TMEM167A: variants seen among roughly 807,000 people sequenced by gnomAD.
The protein encoded by TMEM167A is protein kish-A.
Under a neutral mutation model 11.6 loss-of-function variants are expected in TMEM167A, and 8 were observed. That is an observed-to-expected ratio of 0.69 (90% confidence interval 0.40 to 1.24). The LOEUF (loss-of-function observed/expected upper bound fraction) is 1.24, where lower values mean the gene tolerates loss of function less well. Ranked by LOEUF, TMEM167A falls within the 50% of genes most tolerant of loss-of-function variation. The pLI is 0.01. For missense variants in TMEM167A, 62 were observed against 87.0 expected, an observed-to-expected ratio of 0.71 and a Z score of 1.14; for synonymous variants, 22 against 28.0, an observed-to-expected ratio of 0.79 and a Z score of 0.67.
At chr5:83,058,134 C>A (rs968594596) in intron 3 of TMEM167A, among the ~76,000 whole-genome samples, 1 of 152,010 alleles carries the variant, frequency 6.6e-6, no homozygotes, top group Non-Finnish European at 1.5e-5. Flanking sequence ...AATGAAACTC[C>A]TTATCCCACT....
At chr5:83,063,991 G>C (rs1379075313) in intron 2 of TMEM167A, among the ~76,000 whole-genome samples, 1 of 152,038 alleles carries the variant, frequency 6.6e-6, no homozygotes, top group East Asian at 1.9e-4. Context: ...TATAATAAAA[G>C]ATTACGAGTC....
In TMEM167A at chr5:83,077,311, C is replaced by T. The variant is rs370153622; in HGVS notation, c.3+10G>A. On this transcript the variant is annotated intron_variant, in intron 1 of 3. Coordinates refer to ENST00000502346, the MANE Select transcript of TMEM167A (RefSeq NM_174909.5). ...AAGATCAACCGCGACCTGGGAGCCC[C>T]ACTTCTTACCATAGCGAGGCCGGCG... is the stretch of plus-strand genomic sequence containing the variant. 6.8e-6 allele frequency: 11 copies of T among 1,614,088 alleles called. No individual in the cohort carries two copies. Among genetic ancestry groups the T allele is most frequent in the Non-Finnish European group, 8.5e-6 (10 of 1,180,030 alleles).
At chr5:83,073,336 C>T (rs565061964) in intron 1 of TMEM167A, among the ~76,000 whole-genome samples, 198 of 152,136 alleles carry the variant, frequency 1.3e-3, no homozygotes, top group African/African-American at 4.6e-3. Context: ...CAACTTTAAG[C>T]CAAAAGATAT....
chr5:83,070,596 A>C (rs952582981), intron 1 of TMEM167A, among the ~76,000 whole-genome samples: 3 of 152,212 alleles, frequency 2.0e-5, no homozygotes, highest in Non-Finnish European at 4.4e-5. Context: ...CAGGAGATGC[A>C]ATAATTAATC....
chr5:83,074,895 C>T (rs1372672631), intron 1 of TMEM167A, among the ~76,000 whole-genome samples: 1 of 152,084 alleles, frequency 6.6e-6, no homozygotes, highest in East Asian at 1.9e-4. Context: ...CTCAGCCTCC[C>T]AAGTAGCTGG....
chr5:83,075,309 T>A (rs551666339), intron 1 of TMEM167A, among the ~76,000 whole-genome samples: 5 of 152,058 alleles, frequency 3.3e-5, no homozygotes, highest in African/African-American at 1.2e-4. Context: ...ATGAGAGAAA[T>A]GTTGAAGGAT....
intron 1 of TMEM167A, among the ~76,000 whole-genome samples, chr5:83,068,945 G>A (rs1744522257): frequency 6.6e-6 from 1 of 152,258 alleles, no homozygotes; most frequent in Middle Eastern, 3.4e-3. Flanking sequence ...ATAAAATGCT[G>A]AGAATATGAG....
chr5:83,077,297 C>T, intron 1 of TMEM167A, 24 bp downstream of exon 1: 1 of 1,614,240 alleles, frequency 6.2e-7, no homozygotes. Flanking sequence ...AGATCAACCG[C>T]GACCTGGGAG....
intron 1 of TMEM167A, among the ~76,000 whole-genome samples, chr5:83,066,286 A>G (rs997336677): frequency 6.6e-6 from 1 of 152,198 alleles, no homozygotes; most frequent in African/African-American, 2.4e-5. Flanking sequence ...CTTCTAAAAA[A>G]CAAACAAAAA....
chr5:83,068,551 G>A (rs1744515780), intron 1 of TMEM167A, among the ~76,000 whole-genome samples: 1 of 152,014 alleles, frequency 6.6e-6, no homozygotes, highest in South Asian at 2.1e-4. Flanking sequence ...GTAAGAAAAA[G>A]TCAGGAAAAG....
intron 1 of TMEM167A, among the ~76,000 whole-genome samples, chr5:83,073,602 C>T (rs1317549964): frequency 6.6e-6 from 1 of 152,204 alleles, no homozygotes; most frequent in Non-Finnish European, 1.5e-5. Context: ...GAGTATAGGA[C>T]ATCATTCCAG....
Position 83,053,575 on chromosome 5 carries a change from C to T in TMEM167A, c.*3509G>A, listed in dbSNP as rs1744289094. On this transcript the variant is annotated 3_prime_UTR_variant, in exon 4 of 4. Transcript: ENST00000502346. ...TGCCCTTGAGTAGTTTTGTGTTAGG[C>T]AGGAGGAAAAACATATTCAATTTTG... is the stretch of plus-strand genomic sequence containing the variant. 1 of 151,954 alleles carries T rather than the reference C, an allele frequency of 6.6e-6. No homozygotes were observed. The highest frequency in any genetic ancestry group is 1.5e-5 in the Non-Finnish European group (1 of 67,940). The allele number at this position is 151,954 out of a possible 1,614,324, so 9.4% of individuals were successfully genotyped here. A position where few individuals can be genotyped will look rare whatever the true frequency, so the allele number is the denominator to read the frequency against.
chr5:83,058,135 T>C (rs1359416633), intron 3 of TMEM167A, among the ~76,000 whole-genome samples: 2 of 152,050 alleles, frequency 1.3e-5, no homozygotes, highest in African/African-American at 4.8e-5. Context: ...ATGAAACTCC[T>C]TATCCCACTT....
chr5:83,073,406 A>G (rs1030151584), intron 1 of TMEM167A, among the ~76,000 whole-genome samples: 3 of 152,250 alleles, frequency 2.0e-5, no homozygotes, highest in African/African-American at 4.8e-5. Context: ...TTCCGATGGC[A>G]TATTTCTAGT....
chr5:83,061,886 C>A lies in TMEM167A; in HGVS notation c.139G>T (p.Ala47Ser), dbSNP rs868081483. 4.3e-6 allele frequency: 7 copies of A among 1,612,834 alleles called. No homozygotes were observed. In the South Asian group the frequency reaches 7.7e-5, roughly 18 times the overall value. ...GATTATAGACACTTACCAATTCTGG[C>A]ACACTTCCAAAATATACCCAACAAT... ...TGLLGIFWKC[A>S]RIGERKSPYV... Residue 47 changes from alanine to serine, a missense_variant, in exon 3 of 4, where the codon GCC (alanine) becomes TCC (serine). Physicochemically the swap from Ala to Ser is moderately conservative, Grantham distance 99. Coordinates refer to ENST00000502346, the MANE Select transcript of TMEM167A (RefSeq NM_174909.5).
chr5:83,063,456 CCTT>C (rs1189734501), intron 2 of TMEM167A, among the ~76,000 whole-genome samples: 5 of 152,090 alleles, frequency 3.3e-5, no homozygotes, highest in African/African-American at 1.2e-4. Context: ...AGCCATGGCT[CCTT>C]CATTCTAGAA....
intron 3 of TMEM167A, among the ~76,000 whole-genome samples, chr5:83,057,671 T>C (rs1744351525): frequency 6.6e-6 from 1 of 152,030 alleles, no homozygotes; most frequent in Non-Finnish European, 1.5e-5. Context: ...ATTTAAAAAA[T>C]GGACAAATTA....
At chr5:83,075,927 T>G (rs6869366) in intron 1 of TMEM167A, among the ~76,000 whole-genome samples, 13,973 of 152,160 alleles carry the variant, frequency 0.092, 868 homozygotes, top group African/African-American at 0.18. Context: ...ACAATGTACT[T>G]TTGACATCCC....
chr5:83,071,279 C>T (rs1322836167), intron 1 of TMEM167A: 3 of 152,146 alleles, frequency 2.0e-5, no homozygotes, highest in Admixed American at 2.0e-4. Context: ...ATACTAATTC[C>T]TCCAGCTTTA....
Sources: allele counts gnomAD v4.1 joint callset (sites outside exome capture counted in the v4.1 genomes callset), GRCh38; gene constraint gnomAD v4.1.1; transcripts MANE v1.5; gene names NCBI Gene and HGNC (gene_info 2026-07-23, HGNC 2026-07-21).